The following AKR1C8 variants were observed in gnomAD, a reference collection of about 807,000 sequenced individuals.
AKR1C8 encodes the protein aldo-keto reductase family 1 member C8, also known as aldo-keto reductase family 1 member C-like protein 1.
chr10:5,175,210 C>G, the AKR1C8 span, among the ~76,000 whole-genome samples: 12 of 147,124 alleles, frequency 8.2e-5, no homozygotes, highest in South Asian at 4.3e-4. Flanking sequence ...CCACCTATGA[C>G]TGAGAATGTG....
At chr10:5,116,328 G>T in the AKR1C8 span, among the ~76,000 whole-genome samples, 1 of 152,106 alleles carries the variant, frequency 6.6e-6, no homozygotes, top group East Asian at 1.9e-4. Flanking sequence ...CGGTGGCAGC[G>T]TTCTTCCCTC....
At chr10:5,155,387 C>T in the AKR1C8 span, 39 of 174,694 alleles carry the variant, frequency 2.2e-4, no homozygotes, top group Middle Eastern at 2.5e-3. Flanking sequence ...GCCTTCTAGA[C>T]TCATAGGCAG....
chr10:5,174,432 T>G, the AKR1C8 span, among the ~76,000 whole-genome samples: 1 of 152,086 alleles, frequency 6.6e-6, no homozygotes, highest in Non-Finnish European at 1.5e-5. Context: ...ACAAATGTCT[T>G]CAAGATATAA....
At chr10:5,169,904 T>G in the AKR1C8 span, among the ~76,000 whole-genome samples, 2 of 152,162 alleles carry the variant, frequency 1.3e-5, no homozygotes, top group Non-Finnish European at 2.9e-5. Context: ...ATTTTCAGCT[T>G]AAGATTTCTT....
At chr10:5,170,767 G>A in the AKR1C8 span, among the ~76,000 whole-genome samples, 1 of 152,102 alleles carries the variant, frequency 6.6e-6, no homozygotes. Context: ...TCCAGTCAAA[G>A]CCTTGGTAAA....
chr10:5,163,491 A>G, the AKR1C8 span, among the ~76,000 whole-genome samples: 31 of 152,290 alleles, frequency 2.0e-4, no homozygotes, highest in African/African-American at 7.2e-4. Flanking sequence ...CCAGTGTGAC[A>G]CTTTAAATTC....
At chr10:5,172,764 T>C in the AKR1C8 span, among the ~76,000 whole-genome samples, 9 of 152,208 alleles carry the variant, frequency 5.9e-5, no homozygotes, top group East Asian at 7.7e-4. Flanking sequence ...TCCACAGCCT[T>C]TTTTTCTTAA....
At chr10:5,132,298 C>A in the AKR1C8 span, among the ~76,000 whole-genome samples, 10 of 152,080 alleles carry the variant, frequency 6.6e-5, no homozygotes, top group Admixed American at 6.6e-4. Context: ...TTCATGTAAC[C>A]AAAATCCACT....
the AKR1C8 span, among the ~76,000 whole-genome samples, chr10:5,128,812 A>G: frequency 2.6e-5 from 4 of 152,148 alleles, no homozygotes; most frequent in Non-Finnish European, 5.9e-5. Context: ...AGACTTAAGA[A>G]ATGAGATAGC....
At chr10:5,146,047 A>G in the AKR1C8 span, among the ~76,000 whole-genome samples, 1 of 151,970 alleles carries the variant, frequency 6.6e-6, no homozygotes, top group African/African-American at 2.4e-5. Context: ...TGTCCTTTGT[A>G]GGGACATGGA....
At chr10:5,139,123 G>T in the AKR1C8 span, among the ~76,000 whole-genome samples, 5 of 152,142 alleles carry the variant, frequency 3.3e-5, no homozygotes, top group African/African-American at 1.2e-4. Context: ...TTTTCAAGGA[G>T]AACTACAAAC....
chr10:5,126,920 A>AAAAG, the AKR1C8 span, among the ~76,000 whole-genome samples: 6 of 152,168 alleles, frequency 3.9e-5, no homozygotes, highest in Non-Finnish European at 5.9e-5. Flanking sequence ...TAAAAGGGAA[A>AAAAG]AAAGACATTA....
At chr10:5,138,777 C>T in the AKR1C8 span, among the ~76,000 whole-genome samples, 6 of 151,984 alleles carry the variant, frequency 3.9e-5, no homozygotes, top group African/African-American at 1.4e-4. Context: ...GGGATGCCCT[C>T]TCTCACCACT....
the AKR1C8 span, among the ~76,000 whole-genome samples, chr10:5,180,082 G>GT: frequency 6.6e-6 from 1 of 152,148 alleles, no homozygotes; most frequent in Non-Finnish European, 1.5e-5. Context: ...TTTCTACTCT[G>GT]TTTTTTCCCC....
At chr10:5,152,152 A>G in the AKR1C8 span, among the ~76,000 whole-genome samples, 1 of 152,338 alleles carries the variant, frequency 6.6e-6, no homozygotes, top group South Asian at 2.1e-4. Context: ...AAAATTTGAA[A>G]GCACTAGTTT....
chr10:5,118,222 T>C, the AKR1C8 span, among the ~76,000 whole-genome samples: 1 of 152,216 alleles, frequency 6.6e-6, no homozygotes, highest in Non-Finnish European at 1.5e-5. Flanking sequence ...AAAGGGAAGT[T>C]AACCAAAAAA....
chr10:5,180,547 G>A, the AKR1C8 span, among the ~76,000 whole-genome samples: 1 of 152,220 alleles, frequency 6.6e-6, no homozygotes, highest in African/African-American at 2.4e-5. Flanking sequence ...GGTTACTGCT[G>A]TCTTTTTGTT....
chr10:5,177,771 G>A, the AKR1C8 span, among the ~76,000 whole-genome samples: 1 of 152,166 alleles, frequency 6.6e-6, no homozygotes. Context: ...TTGCATAGAG[G>A]TGTTTGTAGT....
the AKR1C8 span, chr10:5,185,050 T>C: frequency 1.9e-6 from 1 of 534,804 alleles, no homozygotes; most frequent in Non-Finnish European, 3.8e-6. Context: ...AGCACTGGCA[T>C]GAAGGGTCCA....
Sources: gnomAD v4.1 joint callset for allele counts (sites outside exome capture counted in the v4.1 genomes callset) on GRCh38, gnomAD v4.1.1 for gene constraint, MANE v1.5 for transcripts, NCBI Gene and HGNC (gene_info 2026-07-23, HGNC 2026-07-21) for gene names.